The following GPC3 variants were observed in gnomAD, a reference collection of about 807,000 sequenced individuals.
GPC3 encodes glypican 3.
In GPC3, 3 loss-of-function variants were observed where a neutral mutation model predicts 34.4. The observed-to-expected ratio is 0.09, with a 90% CI of 0.04 to 0.23. GPC3 has a LOEUF of 0.23. Ranked by LOEUF, GPC3 falls within the 10% of genes least tolerant of loss-of-function variation. GPC3 has a pLI of 1.00. For synonymous variants in GPC3, 177 were observed against 174.0 expected (o/e 1.02, Z -0.13); for missense variants, 351 against 445.6 (o/e 0.79, Z 1.91).
At chrX:133,887,677 G>GA (rs1380392044) in intron 2 of GPC3, among the ~76,000 whole-genome samples, 1 of 111,658 alleles carries the variant, frequency 9.0e-6, no homozygotes, top group African/African-American at 3.3e-5. Context: ...ATTTTTCACA[G>GA]AAAAAAATTG....
chrX:133,691,063 T>C (rs1030560842), intron 5 of GPC3, among the ~76,000 whole-genome samples: 1 of 112,091 alleles, frequency 8.9e-6, no homozygotes, highest in African/African-American at 3.2e-5. Flanking sequence ...GGAAATTATG[T>C]CTGTTTTGTT....
intron 2 of GPC3, among the ~76,000 whole-genome samples, chrX:133,819,624 C>G (rs973930212): frequency 9.0e-6 from 1 of 110,855 alleles, no homozygotes; most frequent in African/African-American, 3.3e-5. Context: ...GAAAACAAAA[C>G]AAAACACAGT....
intron 2 of GPC3, among the ~76,000 whole-genome samples, chrX:133,801,469 T>C (rs765580115): frequency 3.3e-4 from 37 of 111,919 alleles, no homozygotes; most frequent in African/African-American, 1.1e-3. Flanking sequence ...ATGAATTCAA[T>C]AAGGCCTTAT....
At chrX:133,908,609 T>C (rs1334734947) in intron 2 of GPC3, among the ~76,000 whole-genome samples, 1 of 111,987 alleles carries the variant, frequency 8.9e-6, no homozygotes, top group Non-Finnish European at 1.9e-5. Flanking sequence ...CTGGTCACTA[T>C]CTTCTGGATA....
At chrX:133,908,547 C>A (rs2076181397) in intron 2 of GPC3, among the ~76,000 whole-genome samples, 1 of 111,537 alleles carries the variant, frequency 9.0e-6, no homozygotes, top group Admixed American at 9.6e-5. Flanking sequence ...GCTAATTATC[C>A]CCAGTTCTTT....
chrX:133,914,080 T>A (rs2076212824), intron 2 of GPC3, among the ~76,000 whole-genome samples: 1 of 111,089 alleles, frequency 9.0e-6, no homozygotes, highest in Non-Finnish European at 1.9e-5. Context: ...ACAAAGCTGA[T>A]TAAGGCTTGT....
intron 6 of GPC3, among the ~76,000 whole-genome samples, chrX:133,641,873 A>T (rs1451010099): frequency 4.4e-5 from 5 of 112,634 alleles, no homozygotes; most frequent in African/African-American, 1.3e-4. Flanking sequence ...AAGGTTTTAC[A>T]TGTGTGTAAA....
intron 2 of GPC3, among the ~76,000 whole-genome samples, chrX:133,932,467 G>A (rs1281280878): frequency 9.0e-6 from 1 of 111,705 alleles, no homozygotes; most frequent in African/African-American, 3.3e-5. Flanking sequence ...CTCAAGCCAG[G>A]TAGAAATCTG....
chrX:133,693,322 T>G (rs755490401), intron 4 of GPC3, among the ~76,000 whole-genome samples: 2 of 110,770 alleles, frequency 1.8e-5, no homozygotes, highest in African/African-American at 6.6e-5. Flanking sequence ...ATTTCAGATG[T>G]ACATGGATAC....
chrX:133,541,807 T>C (rs2069344998), intron 7 of GPC3, among the ~76,000 whole-genome samples: 1 of 111,964 alleles, frequency 8.9e-6, no homozygotes. Flanking sequence ...TGGCCTCAAG[T>C]GATCCTGTGC....
intron 2 of GPC3, among the ~76,000 whole-genome samples, chrX:133,890,065 G>A (rs1471818339): frequency 1.8e-5 from 2 of 110,124 alleles, no homozygotes; most frequent in Non-Finnish European, 3.8e-5. Context: ...CACTGCACCT[G>A]GCCTCTAGCC....
intron 5 of GPC3, among the ~76,000 whole-genome samples, chrX:133,674,138 G>C (rs1218411107): frequency 9.0e-6 from 1 of 110,747 alleles, no homozygotes; most frequent in Non-Finnish European, 1.9e-5. Flanking sequence ...GAGGCAAGAG[G>C]AGCACTTGAG....
chrX:133,933,532 C>T (rs182669527), intron 2 of GPC3, among the ~76,000 whole-genome samples: 437 of 111,000 alleles, frequency 3.9e-3, no homozygotes, highest in African/African-American at 0.013. Flanking sequence ...ATATTTGTAC[C>T]GGACCAAATC....
chrX:133,788,095 T>TAC (rs1411506692), intron 2 of GPC3, among the ~76,000 whole-genome samples: 1 of 47,120 alleles, frequency 2.1e-5, no homozygotes, highest in Non-Finnish European at 4.7e-5. Flanking sequence ...ATTTTATATA[T>TAC]ATATATATAT....
At chrX:133,905,046 A>T (rs932818011) in intron 2 of GPC3, among the ~76,000 whole-genome samples, 1 of 111,861 alleles carries the variant, frequency 8.9e-6, no homozygotes, top group Non-Finnish European at 1.9e-5. Context: ...TTTTCAAAGT[A>T]AGTCTCCCCT....
intron 2 of GPC3, among the ~76,000 whole-genome samples, chrX:133,851,287 C>A (rs959480312): frequency 7.2e-5 from 8 of 111,796 alleles, no homozygotes; most frequent in Non-Finnish European, 1.3e-4. Context: ...TCTCATTGTG[C>A]CAAGGCCTTA....
At chrX:133,649,773 A>G (rs2070579095) in intron 6 of GPC3, among the ~76,000 whole-genome samples, 1 of 111,414 alleles carries the variant, frequency 9.0e-6, no homozygotes, top group Admixed American at 9.5e-5. Flanking sequence ...CCCATTTTCC[A>G]TGGTATCCCA....
chrX:133,855,454 C>T (rs1225211658), intron 2 of GPC3, among the ~76,000 whole-genome samples: 2 of 108,527 alleles, frequency 1.8e-5, no homozygotes, highest in African/African-American at 3.4e-5. Flanking sequence ...GCATGAGCTA[C>T]TGTACCCAGC....
chrX:133,563,931 A>G (rs2069560485), intron 7 of GPC3, among the ~76,000 whole-genome samples: 1 of 111,094 alleles, frequency 9.0e-6, no homozygotes, highest in Non-Finnish European at 1.9e-5. Flanking sequence ...TATTTTGGAA[A>G]GAGTGTGCTG....
Sources: gnomAD v4.1 joint callset for allele counts (sites outside exome capture counted in the v4.1 genomes callset) on GRCh38, gnomAD v4.1.1 for gene constraint, MANE v1.5 for transcripts, NCBI Gene and HGNC (gene_info 2026-07-23, HGNC 2026-07-21) for gene names.